Variants in CSMD1 observed in about 807,000 individuals in gnomAD.
The protein encoded by CSMD1 is CUB and Sushi multiple domains 1, also known as CUB and sushi domain-containing protein 1.
A neutral mutation model predicts 417.5 loss-of-function variants in CSMD1; 213 were observed. The observed-to-expected ratio is 0.51, with a 90% CI of 0.46 to 0.57. CSMD1 has a LOEUF of 0.57. Among genes scored for constraint, CSMD1 ranks in the 20% least tolerant of loss-of-function variants. The probability of loss-of-function intolerance (pLI) is 0.00; values close to 1 mark genes in which losing one functional copy is unlikely to be tolerated. For synonymous variants in CSMD1, 2,862 were observed against 1,736.8 expected, an observed-to-expected ratio of 1.65 and a Z score of -16.11; for missense variants, 6,923 against 4,529.7, an observed-to-expected ratio of 1.53 and a Z score of -15.17.
intron 49 of CSMD1, among the ~76,000 whole-genome samples, chr8:3,081,555 T>C (rs1195705236): frequency 6.6e-6 from 1 of 152,222 alleles, no homozygotes; most frequent in African/African-American, 2.4e-5. Context: ...AGTCTTAAAA[T>C]ATTTTAACAT....
chr8:4,173,154 G>T (rs1381626715), intron 3 of CSMD1, among the ~76,000 whole-genome samples: 1 of 152,156 alleles, frequency 6.6e-6, no homozygotes, highest in African/African-American at 2.4e-5. Context: ...TTGCTAGATT[G>T]ATTATAATAG....
chr8:3,035,057 G>C (rs76025222), intron 50 of CSMD1, among the ~76,000 whole-genome samples: 3,625 of 152,190 alleles, frequency 0.024, 163 homozygotes, highest in African/African-American at 0.08. Context: ...ACAAAGTGGA[G>C]TTACAGTCAG....
intron 10 of CSMD1, among the ~76,000 whole-genome samples, chr8:3,508,248 G>C (rs994822025): frequency 6.6e-6 from 1 of 152,062 alleles, no homozygotes; most frequent in Admixed American, 6.5e-5. Flanking sequence ...AGTGGTGTCT[G>C]TGACAGATGA....
chr8:4,883,071 C>G (rs1320831045), intron 1 of CSMD1, among the ~76,000 whole-genome samples: 3 of 151,964 alleles, frequency 2.0e-5, no homozygotes, highest in Non-Finnish European at 4.4e-5. Flanking sequence ...CTTAAGAGCA[C>G]TAGCAGAGAA....
intron 5 of CSMD1, among the ~76,000 whole-genome samples, chr8:3,769,759 T>C (rs1798471559): frequency 1.3e-5 from 2 of 152,308 alleles, no homozygotes; most frequent in East Asian, 1.9e-4. Flanking sequence ...TATGGCAATT[T>C]GGTATTATTT....
intron 3 of CSMD1, among the ~76,000 whole-genome samples, chr8:4,068,983 G>C (rs529542766): frequency 3.9e-5 from 6 of 152,132 alleles, no homozygotes; most frequent in Non-Finnish European, 8.8e-5. Context: ...TTCAAACGTT[G>C]AATGGCTTGG....
intron 41 of CSMD1, among the ~76,000 whole-genome samples, chr8:3,131,767 C>T (rs376796427): frequency 1.5e-3 from 234 of 152,240 alleles, no homozygotes; most frequent in African/African-American, 5.2e-3. Context: ...CCACTGTGCC[C>T]AGCCTGCTAA....
At chr8:3,276,371 G>T (rs989892394) in intron 26 of CSMD1, among the ~76,000 whole-genome samples, 5 of 152,190 alleles carry the variant, frequency 3.3e-5, no homozygotes, top group African/African-American at 1.2e-4. Flanking sequence ...TGTCGTTCAC[G>T]CTGGGAGCTG....
At chr8:3,607,703 A>C (rs957693581) in intron 8 of CSMD1, among the ~76,000 whole-genome samples, 2 of 152,182 alleles carry the variant, frequency 1.3e-5, no homozygotes, top group Non-Finnish European at 2.9e-5. Flanking sequence ...AAGAACAAAA[A>C]ATTTTACGGA....
intron 3 of CSMD1, among the ~76,000 whole-genome samples, chr8:4,276,933 C>G (rs964446590): frequency 6.6e-6 from 1 of 152,024 alleles, no homozygotes; most frequent in African/African-American, 2.4e-5. Flanking sequence ...TTCAAAGTAG[C>G]CTGTGTATGT....
intron 3 of CSMD1, among the ~76,000 whole-genome samples, chr8:4,163,147 T>C (rs916503153): frequency 2.0e-5 from 3 of 152,256 alleles, no homozygotes; most frequent in Admixed American, 6.5e-5. Context: ...AAGTACACTT[T>C]GGTTGCTTCC....
intron 3 of CSMD1, among the ~76,000 whole-genome samples, chr8:4,198,338 G>T (rs779802638): frequency 1.3e-5 from 2 of 152,242 alleles, no homozygotes; most frequent in Non-Finnish European, 2.9e-5. Flanking sequence ...CGTCATGGTG[G>T]ACCTGTGTGC....
At chr8:3,251,097 G>C (rs1458606826) in intron 26 of CSMD1, among the ~76,000 whole-genome samples, 1 of 152,106 alleles carries the variant, frequency 6.6e-6, no homozygotes, top group Non-Finnish European at 1.5e-5. Context: ...TTTGGGTTTT[G>C]TTGCCATTGC....
Position 3,409,570 on chromosome 8 carries a change from G to C in CSMD1, c.1597C>G (p.Pro533Ala). 6.2e-7 allele frequency: 1 copy of C among 1,607,228 alleles called. No individual in the cohort carries two copies. Among genetic ancestry groups the C allele is most frequent in the Non-Finnish European group, 8.5e-7 (1 of 1,176,458 alleles). The change falls in exon 13 of 70, where the codon CCC becomes GCC. Residue 533 changes from proline (P) to alanine (A), a missense_variant. By Grantham distance (27) the Pro-to-Ala change is conservative (BLOSUM62 -1). Transcript: ENST00000635120. ...EKGGCGDPGI[P>A]AYGKRTGSSF... ...CTGCCCGTCCGCTTCCCATAGGCGGGGATTCCAGGATCCCCACACCCTCCC... is the reference window on the plus strand; with the variant it reads ...CTGCCCGTCCGCTTCCCATAGGCGGCGATTCCAGGATCCCCACACCCTCCC...
intron 3 of CSMD1, among the ~76,000 whole-genome samples, chr8:4,117,604 A>T (rs563847660): frequency 1.6e-4 from 25 of 152,198 alleles, no homozygotes; most frequent in Non-Finnish European, 3.7e-4. Flanking sequence ...TTTACAAAGG[A>T]CTTCCAGTTA....
intron 56 of CSMD1, among the ~76,000 whole-genome samples, chr8:2,973,894 A>G (rs202223372): frequency 0.035 from 3,891 of 110,580 alleles, 28 homozygotes; most frequent in East Asian, 0.08. Flanking sequence ...GTAGAGGATG[A>G]TGGTAGAGGA....
chr8:3,124,072 T>C (rs1385316082), intron 41 of CSMD1, among the ~76,000 whole-genome samples: 2 of 152,096 alleles, frequency 1.3e-5, no homozygotes, highest in Admixed American at 6.6e-5. Flanking sequence ...GCTACTCTAA[T>C]CACTGAAAAA....
chr8:4,468,042 A>C (rs1053256120), intron 2 of CSMD1, among the ~76,000 whole-genome samples: 4 of 149,536 alleles, frequency 2.7e-5, no homozygotes, highest in Admixed American at 6.6e-5. Flanking sequence ...GTTACTCAAC[A>C]GGCCCTGCCT....
chr8:4,630,598 A>T (rs1802452680), intron 2 of CSMD1, among the ~76,000 whole-genome samples: 1 of 152,204 alleles, frequency 6.6e-6, no homozygotes, highest in Non-Finnish European at 1.5e-5. Flanking sequence ...CATTGAGGAA[A>T]ATTACATTTT....
Sources: gnomAD v4.1 joint callset for allele counts (sites outside exome capture counted in the v4.1 genomes callset) on GRCh38, gnomAD v4.1.1 for gene constraint, MANE v1.5 for transcripts, NCBI Gene and HGNC (gene_info 2026-07-23, HGNC 2026-07-21) for gene names.